LINGO2: variants seen among roughly 807,000 people sequenced by gnomAD.
The protein encoded by LINGO2 is leucine-rich repeat and immunoglobulin-like domain-containing nogo receptor-interacting protein 2.
In LINGO2, 14 loss-of-function variants were observed where a neutral mutation model predicts 30.6. That is an observed-to-expected ratio of 0.46 (90% confidence interval 0.30 to 0.72). The LOEUF is 0.72. Ranked by LOEUF, LINGO2 falls within the 30% of genes least tolerant of loss-of-function variation. The pLI, the probability that LINGO2 is intolerant of heterozygous loss-of-function variation, is 0.07. For missense variants in LINGO2, 729 were observed against 751.7 expected (o/e 0.97, Z 0.35); for synonymous variants, 317 against 288.5 (o/e 1.10, Z -1.00).
At chr9:28,220,850 C>A (rs1820932781) in intron 4 of LINGO2, among the ~76,000 whole-genome samples, 2 of 152,038 alleles carry the variant, frequency 1.3e-5, no homozygotes, top group Admixed American at 1.3e-4. Context: ...CAAGTAACAC[C>A]TCCAGCCCAA....
At chr9:28,089,658 G>C (rs577828019) in intron 4 of LINGO2, among the ~76,000 whole-genome samples, 1 of 152,210 alleles carries the variant, frequency 6.6e-6, no homozygotes, top group South Asian at 2.1e-4. Flanking sequence ...AAAAGAACTA[G>C]AGAAGCAAGA....
chr9:29,161,964 G>T, the LINGO2 span, among the ~76,000 whole-genome samples: 2 of 151,068 alleles, frequency 1.3e-5, no homozygotes, highest in African/African-American at 2.4e-5. Context: ...CTGTTGCCCA[G>T]GTTGGAGTGC....
chr9:28,594,480 C>T (rs1521729), intron 1 of LINGO2, among the ~76,000 whole-genome samples: 131,254 of 152,064 alleles, frequency 0.86, 56,966 homozygotes, highest in Middle Eastern at 0.96. Context: ...AGTAAATCTG[C>T]ACTAAGGGGA....
At chr9:29,043,517 T>C in the LINGO2 span, among the ~76,000 whole-genome samples, 5 of 152,140 alleles carry the variant, frequency 3.3e-5, no homozygotes, top group East Asian at 9.7e-4. Context: ...ATTTGCACTC[T>C]TAATTGAGTT....
chr9:28,574,620 TC>T (rs1823865065), intron 1 of LINGO2, among the ~76,000 whole-genome samples: 1 of 152,164 alleles, frequency 6.6e-6, no homozygotes, highest in African/African-American at 2.4e-5. Context: ...CTATATTTTT[TC>T]CATTATTATT....
chr9:28,149,244 C>T, intron 4 of LINGO2: 1 of 783,816 alleles, frequency 1.3e-6, no homozygotes, highest in Non-Finnish European at 2.0e-6. Flanking sequence ...TAATCAAGCA[C>T]TTTGGGAGGC....
the LINGO2 span, among the ~76,000 whole-genome samples, chr9:28,703,277 C>A: frequency 6.6e-6 from 1 of 151,592 alleles, no homozygotes. Context: ...TCCCTGTAAT[C>A]ATTGTTTTCA....
the LINGO2 span, among the ~76,000 whole-genome samples, chr9:29,189,127 G>A: frequency 0.053 from 6,935 of 130,048 alleles, 226 homozygotes; most frequent in Non-Finnish European, 0.078. Context: ...CGGACGGGGC[G>A]GCTGGCCGGG....
At chr9:28,423,518 T>C (rs1413325294) in intron 2 of LINGO2, among the ~76,000 whole-genome samples, 3 of 152,082 alleles carry the variant, frequency 2.0e-5, no homozygotes, top group Non-Finnish European at 4.4e-5. Context: ...AAAAATTAAA[T>C]CAATTAAGGA....
At chr9:28,793,861 T>C in the LINGO2 span, among the ~76,000 whole-genome samples, 1 of 152,326 alleles carries the variant, frequency 6.6e-6, no homozygotes, top group East Asian at 1.9e-4. Flanking sequence ...GTGATTCACA[T>C]GCATATTAAA....
chr9:28,303,829 G>C (rs1824241077), intron 3 of LINGO2, among the ~76,000 whole-genome samples: 1 of 152,002 alleles, frequency 6.6e-6, no homozygotes, highest in African/African-American at 2.4e-5. Context: ...TGGGGTGGCA[G>C]AAGAGGAAGA....
chr9:28,028,171 A>G (rs993222542), intron 4 of LINGO2, among the ~76,000 whole-genome samples: 2 of 152,200 alleles, frequency 1.3e-5, no homozygotes, highest in Admixed American at 1.3e-4. Context: ...GTGTTTTAAG[A>G]TAATGAAGCT....
intron 5 of LINGO2, among the ~76,000 whole-genome samples, chr9:27,974,886 AT>A (rs1463994267): frequency 1.3e-5 from 2 of 152,136 alleles, no homozygotes; most frequent in African/African-American, 4.8e-5. Flanking sequence ...ATTCTAGAAA[AT>A]TTTGAAACGC....
chr9:28,738,424 G>A, the LINGO2 span, among the ~76,000 whole-genome samples: 2 of 152,098 alleles, frequency 1.3e-5, no homozygotes, highest in Non-Finnish European at 2.9e-5. Context: ...GAACTTAGAT[G>A]TTCAGGGAGG....
the LINGO2 span, among the ~76,000 whole-genome samples, chr9:29,170,127 C>T: frequency 2.6e-5 from 4 of 152,180 alleles, no homozygotes; most frequent in Non-Finnish European, 5.9e-5. Flanking sequence ...AAGAAATCAC[C>T]GTATCAAAAA....
At chr9:28,936,860 T>C in the LINGO2 span, among the ~76,000 whole-genome samples, 38 of 152,294 alleles carry the variant, frequency 2.5e-4, no homozygotes, top group African/African-American at 8.2e-4. Context: ...CTTATAGTCC[T>C]GGAGGCTGTA....
At chr9:28,930,779 G>A in the LINGO2 span, among the ~76,000 whole-genome samples, 1 of 152,114 alleles carries the variant, frequency 6.6e-6, no homozygotes, top group Non-Finnish European at 1.5e-5. This position sits in a 1 kb window ranked among gnomAD's most constrained non-coding sequence, Gnocchi z 4.2. Context: ...TTCAGGATTA[G>A]GCTTCACAGT....
At chr9:28,200,321 G>A (rs1239250826) in intron 4 of LINGO2, among the ~76,000 whole-genome samples, 1 of 151,982 alleles carries the variant, frequency 6.6e-6, no homozygotes, top group African/African-American at 2.4e-5. Context: ...CTTCCTTCCA[G>A]TTTTATCATT....
chr9:28,122,143 G>C (rs2133401809), intron 4 of LINGO2, among the ~76,000 whole-genome samples: 1 of 152,244 alleles, frequency 6.6e-6, no homozygotes, highest in Middle Eastern at 3.4e-3. Context: ...TCTTGAGACA[G>C]TACATAGGAA....
Sources: gnomAD v4.1 joint callset for allele counts (sites outside exome capture counted in the v4.1 genomes callset) on GRCh38, gnomAD v4.1.1 for gene constraint, Gnocchi (gnomAD v3.1) non-coding constraint, MANE v1.5 for transcripts, NCBI Gene and HGNC (gene_info 2026-07-23, HGNC 2026-07-21) for gene names.